APP: variants seen among roughly 807,000 people sequenced by gnomAD.
The protein encoded by APP is amyloid-beta precursor protein.
A neutral mutation model predicts 101.4 loss-of-function variants in APP; 31 were observed. That is an observed-to-expected ratio of 0.31 (90% CI 0.23 to 0.41). APP has a LOEUF of 0.41. APP is among the 10% of genes least tolerant of loss of function. APP has a pLI of 1.00. For synonymous variants in APP, 366 were observed against 364.4 expected (o/e 1.00, Z -0.05); for missense variants, 839 against 1,003.7 (o/e 0.84, Z 2.22).
intron 1 of APP, chr21:26,169,173 C>G (rs893387339): frequency 2.0e-5 from 3 of 152,274 alleles, no homozygotes; most frequent in African/African-American, 7.2e-5. Context: ...CAGGCGTTAG[C>G]TGAATGTTCG....
chr21:26,130,944 T>C (rs891184095), intron 1 of APP, among the ~76,000 whole-genome samples: 1 of 152,214 alleles, frequency 6.6e-6, no homozygotes, highest in Non-Finnish European at 1.5e-5. Context: ...AAATATATGT[T>C]GTTGGTCAGA....
At chr21:26,040,794 C>T (rs1287886371) in intron 5 of APP, among the ~76,000 whole-genome samples, 2 of 140,128 alleles carry the variant, frequency 1.4e-5, no homozygotes, top group Admixed American at 7.1e-5. Flanking sequence ...ACAAACAGTA[C>T]ATTCTAGAGT....
At chr21:26,051,399 T>C (rs1436900024) in intron 4 of APP, among the ~76,000 whole-genome samples, 1 of 152,086 alleles carries the variant, frequency 6.6e-6, no homozygotes, top group African/African-American at 2.4e-5. Flanking sequence ...TCTTGTTTAT[T>C]ATTTATTTAA....
intron 1 of APP, among the ~76,000 whole-genome samples, chr21:26,168,725 A>G (rs1177917540): frequency 2.0e-5 from 3 of 152,242 alleles, no homozygotes; most frequent in Admixed American, 1.3e-4. Context: ...AATGTAAGTA[A>G]GTCATGAGAG....
intron 3 of APP, among the ~76,000 whole-genome samples, chr21:26,088,113 A>G (rs1167244673): frequency 4.6e-5 from 7 of 152,242 alleles, no homozygotes; most frequent in Admixed American, 1.3e-4. Context: ...CTGGGATTAT[A>G]GGCTTGAGCC....
At chr21:26,018,860 G>GT (rs1249097910) in intron 6 of APP, among the ~76,000 whole-genome samples, 2 of 152,074 alleles carry the variant, frequency 1.3e-5, no homozygotes, top group African/African-American at 4.8e-5. Flanking sequence ...GGAGTGTTTT[G>GT]TTTATGAAAT....
In APP at chr21:26,020,821, CTGAA is replaced by C. The variant is rs532074670; in HGVS notation, c.865+1015_865+1018del. On this transcript the variant is annotated intron_variant, in intron 6 of 17. Coordinates refer to ENST00000346798, the MANE Select transcript of APP (RefSeq NM_000484.4). ...GTAACATTTGGTCATTTAATATCAA[CTGAA>C]TGTTTGTTTTTATTTCATGGAGACA... 1.7e-3 allele frequency among the ~76,000 whole-genome samples: 260 copies of C among 152,282 alleles called. 2 individuals are homozygous for C. The highest frequency in any genetic ancestry group is 6.0e-3 in the African/African-American group (250 of 41,564).
intron 6 of APP, among the ~76,000 whole-genome samples, chr21:26,003,242 A>T (rs2043373954): frequency 6.6e-6 from 1 of 152,252 alleles, no homozygotes; most frequent in African/African-American, 2.4e-5. Flanking sequence ...TTTACATGTT[A>T]ATTAAGTAAA....
chr21:25,953,570 G>A (rs1014379430), intron 13 of APP, among the ~76,000 whole-genome samples: 2 of 152,114 alleles, frequency 1.3e-5, no homozygotes, highest in African/African-American at 4.8e-5. Context: ...ATTCTTTATG[G>A]GGAAGGATAT....
chr21:26,002,839 C>A (rs1173233388), intron 6 of APP, among the ~76,000 whole-genome samples: 3 of 152,114 alleles, frequency 2.0e-5, no homozygotes, highest in Non-Finnish European at 2.9e-5. Context: ...ACGGGCCTCG[C>A]AGTGAACATC....
At chr21:26,046,570 A>T (rs2146887483) in intron 5 of APP, among the ~76,000 whole-genome samples, 1 of 152,270 alleles carries the variant, frequency 6.6e-6, no homozygotes, top group East Asian at 1.9e-4. Flanking sequence ...TCATCTAATT[A>T]TCCAGAAAGA....
chr21:25,951,000 G>A (rs781321947), intron 13 of APP, among the ~76,000 whole-genome samples: 1 of 152,176 alleles, frequency 6.6e-6, no homozygotes, highest in Non-Finnish European at 1.5e-5. Flanking sequence ...GAGGCACATG[G>A]GATATTTGGG....
rs981497267 is a variant in APP at position 25,881,551 on chromosome 21, G to A, written c.*119C>T. ...TGTTACAGCACAGCTGTCAAAAGGC[G>A]ATAATGAGTAAATCATAAAACGGGT... On this transcript the variant is annotated 3_prime_UTR_variant, in exon 18 of 18. Transcript: ENST00000346798. 1.3e-5 allele frequency: 15 copies of A among 1,149,258 alleles called. No homozygotes were observed. The highest frequency in any genetic ancestry group is 3.0e-5 in the African/African-American group (2 of 65,914). 71.2% of individuals were successfully genotyped at this position (1,149,258 alleles called of 1,614,324 possible). A position where few individuals can be genotyped will look rare whatever the true frequency, so the allele number is the denominator to read the frequency against.
chr21:26,008,822 G>C (rs975634321), intron 6 of APP, among the ~76,000 whole-genome samples: 1 of 152,074 alleles, frequency 6.6e-6, no homozygotes, highest in Non-Finnish European at 1.5e-5. Context: ...CATACTTGTT[G>C]GTATCTGTAA....
At chr21:26,088,917 G>C (rs1251264783) in intron 3 of APP, among the ~76,000 whole-genome samples, 1 of 152,088 alleles carries the variant, frequency 6.6e-6, no homozygotes, top group African/African-American at 2.4e-5. Context: ...TTCATTTTAT[G>C]TCTCAAATTA....
At position 25,935,911 on chromosome 21, in the gene APP, T is replaced by A. The variant is rs375397876; in HGVS notation, c.1687+18679A>T. Among the ~76,000 whole-genome samples the A allele has an allele frequency of 8.6e-4, 124 of 143,354 alleles. 1 individual carries two copies. The South Asian group carries it at 0.026, about 30-fold the overall frequency. The allele number at this position is 143,354 out of a possible 152,430, so 94.0% of individuals were successfully genotyped here. A position where few individuals can be genotyped will look rare whatever the true frequency, so the allele number is the denominator to read the frequency against. On this transcript the variant is annotated intron_variant, in intron 13 of 17. Transcript: ENST00000346798. Reference sequence around the variant, plus strand: ...GTATGCACTTCACATACCAAGGAGGTCTAGGATTTGAAGTTCATCAAGGCC... The same window carrying A: ...GTATGCACTTCACATACCAAGGAGGACTAGGATTTGAAGTTCATCAAGGCC...
At chr21:26,118,796 T>C (rs1459581988) in intron 1 of APP, among the ~76,000 whole-genome samples, 1 of 151,880 alleles carries the variant, frequency 6.6e-6, no homozygotes, top group Non-Finnish European at 1.5e-5. Flanking sequence ...CGCCTCGGCC[T>C]CCCAAAGTGC....
chr21:25,886,104 G>GGAACTAAGTAA (rs1472793891), intron 17 of APP, among the ~76,000 whole-genome samples: 1 of 152,088 alleles, frequency 6.6e-6, no homozygotes, highest in Non-Finnish European at 1.5e-5. Context: ...ACGAGTAAAG[G>GGAACTAAGTAA]AGGGTAAGGG....
At chr21:26,133,001 G>A (rs976658631) in intron 1 of APP, among the ~76,000 whole-genome samples, 1 of 152,126 alleles carries the variant, frequency 6.6e-6, no homozygotes, top group African/African-American at 2.4e-5. Context: ...ACTTAGGGAG[G>A]CATGGGTGGG....
Sources: gnomAD v4.1 joint callset for allele counts (sites outside exome capture counted in the v4.1 genomes callset) on GRCh38, gnomAD v4.1.1 for gene constraint, MANE v1.5 for transcripts, NCBI Gene and HGNC (gene_info 2026-07-23, HGNC 2026-07-21) for gene names.